The following FAM135B variants were observed in gnomAD, a reference collection of about 807,000 sequenced individuals.
FAM135B encodes protein FAM135B.
In FAM135B, 43 loss-of-function variants were observed where a neutral mutation model predicts 127.7. The ratio of observed to expected loss-of-function variants is 0.34; its 90% CI spans 0.26 to 0.43. The LOEUF is 0.43. FAM135B is among the 20% of genes least tolerant of loss of function. The pLI, the probability that FAM135B is intolerant of heterozygous loss-of-function variation, is 1.00. For synonymous variants in FAM135B, 670 were observed against 665.1 expected, an observed-to-expected ratio of 1.01 and a Z score of -0.11; for missense variants, 1,558 against 1,725.6, an observed-to-expected ratio of 0.90 and a Z score of 1.72.
At chr8:138,434,298 T>C (rs756253802) in intron 1 of FAM135B, among the ~76,000 whole-genome samples, 1 of 152,250 alleles carries the variant, frequency 6.6e-6, no homozygotes, top group Non-Finnish European at 1.5e-5. Context: ...TATTCAATTC[T>C]GAGCTTTCAT....
chr8:138,400,560 T>C (rs1833100715), intron 1 of FAM135B, among the ~76,000 whole-genome samples: 1 of 152,160 alleles, frequency 6.6e-6, no homozygotes, highest in Non-Finnish European at 1.5e-5. Context: ...CAGTGAAAAG[T>C]AGGTCAGACT....
At chr8:138,262,919 A>T (rs1382205358) in intron 4 of FAM135B, among the ~76,000 whole-genome samples, 1 of 150,500 alleles carries the variant, frequency 6.6e-6, no homozygotes, top group Non-Finnish European at 1.5e-5. Flanking sequence ...AAAAAAAAAA[A>T]AAGCAACTAA....
rs1462289951 is a variant in FAM135B, at chr8:138,139,086, G to A, written c.3801C>T (p.Leu1267=). The A allele has an allele frequency of 5.6e-6, 9 of 1,607,798 alleles. No individual in the cohort carries two copies. The highest frequency in any genetic ancestry group is 1.7e-5 in the Admixed American group (1 of 59,984). ...ACCCGGATTTCTTCAGTTTCTGCAT[G>A]AGCCATAAGCCTAGGAAGACAAAAA... ...NSTLVSTGLW[L]MQKLKKSGSL... The change falls in exon 18 of 20, where the codon CTC becomes CTT. Residue 1267 remains leucine (L), a synonymous_variant. Transcript: ENST00000395297.
chr8:138,334,214 T>C (rs1346460079), intron 2 of FAM135B, among the ~76,000 whole-genome samples: 1 of 152,102 alleles, frequency 6.6e-6, no homozygotes, highest in Non-Finnish European at 1.5e-5. Flanking sequence ...TGAGACACCA[T>C]GTCCGGCCCC....
chr8:138,485,726 G>T (rs1814958757), intron 1 of FAM135B, among the ~76,000 whole-genome samples: 1 of 152,126 alleles, frequency 6.6e-6, no homozygotes, highest in Non-Finnish European at 1.5e-5. Context: ...ATGTGGGTAA[G>T]GAGGGGAGTT....
intron 6 of FAM135B, among the ~76,000 whole-genome samples, chr8:138,244,013 G>A (rs983742627): frequency 6.6e-6 from 1 of 152,152 alleles, no homozygotes; most frequent in African/African-American, 2.4e-5. Context: ...GGGTGCTCAA[G>A]AAACATTTGT....
chr8:138,444,921 A>C (rs904361861), intron 1 of FAM135B, among the ~76,000 whole-genome samples: 1 of 152,226 alleles, frequency 6.6e-6, no homozygotes, highest in African/African-American at 2.4e-5. Context: ...CTAATAAAGA[A>C]GAAAAGAGAG....
intron 2 of FAM135B, among the ~76,000 whole-genome samples, chr8:138,349,734 T>G (rs1274425808): frequency 6.6e-6 from 1 of 152,094 alleles, no homozygotes; most frequent in East Asian, 1.9e-4. Flanking sequence ...ATAGAGGTAG[T>G]TTTGTGGCTC....
chr8:138,243,275 T>C lies in FAM135B; in HGVS notation c.543-207A>G, dbSNP rs147444974. On this transcript the variant is annotated intron_variant, in intron 6 of 19. Transcript: ENST00000395297. This position sits in a 1 kb window ranked among gnomAD's most constrained non-coding sequence, Gnocchi z 7.5. ...ACTGGCACGTAAGCTTGAAAGTCAA[T>C]GATGATACACATCCTACAATGTGTG... Among the ~76,000 whole-genome samples, 47 of 152,308 alleles carry C rather than the reference T, an allele frequency of 3.1e-4. 1 individual carries two copies. The East Asian group carries it at 4.1e-3, about 13-fold the overall frequency.
At chr8:138,449,494 C>G (rs981212715) in intron 1 of FAM135B, among the ~76,000 whole-genome samples, 15 of 151,986 alleles carry the variant, frequency 9.9e-5, no homozygotes, top group African/African-American at 3.6e-4. Context: ...AAACAGGAGC[C>G]GTAACCAATA....
intron 3 of FAM135B, among the ~76,000 whole-genome samples, chr8:138,300,060 C>A (rs12682261): frequency 1.3e-5 from 2 of 151,958 alleles, no homozygotes; most frequent in East Asian, 3.9e-4. Context: ...CTCCACATCC[C>A]GGGTTCAAGT....
At chr8:138,423,870 G>A (rs905217399) in intron 1 of FAM135B, among the ~76,000 whole-genome samples, 2 of 152,160 alleles carry the variant, frequency 1.3e-5, no homozygotes, top group Admixed American at 6.5e-5. Flanking sequence ...GGCCATTTTA[G>A]AGGCCTACCC....
intron 9 of FAM135B, among the ~76,000 whole-genome samples, chr8:138,189,003 A>G (rs1236030940): frequency 6.6e-6 from 1 of 152,308 alleles, no homozygotes; most frequent in East Asian, 1.9e-4. Context: ...AAGTAAGAAC[A>G]TGCATTTCTG....
intron 7 of FAM135B, among the ~76,000 whole-genome samples, chr8:138,240,343 A>T (rs1820654282): frequency 6.6e-6 from 1 of 152,058 alleles, no homozygotes; most frequent in Non-Finnish European, 1.5e-5. Flanking sequence ...ATGGTCTATC[A>T]TGTGTGCCAT....
intron 1 of FAM135B, among the ~76,000 whole-genome samples, chr8:138,448,860 T>A (rs1215192497): frequency 1.3e-5 from 2 of 151,000 alleles, no homozygotes; most frequent in African/African-American, 4.9e-5. Flanking sequence ...TCCATGGAGA[T>A]TACTAAGAAG....
At chr8:138,388,062 C>T (rs1406127920) in intron 1 of FAM135B, among the ~76,000 whole-genome samples, 1 of 152,068 alleles carries the variant, frequency 6.6e-6, no homozygotes, top group Non-Finnish European at 1.5e-5. Context: ...CAATGAGATA[C>T]CCCGATTAAA....
chr8:138,204,299 C>G (rs1299589796), intron 7 of FAM135B, among the ~76,000 whole-genome samples: 3 of 152,204 alleles, frequency 2.0e-5, no homozygotes, highest in African/African-American at 7.2e-5. Flanking sequence ...GGTCAAATGT[C>G]ACCTCCTCTG....
At chr8:138,149,069 T>G (rs971371307) in intron 13 of FAM135B, among the ~76,000 whole-genome samples, 3 of 151,766 alleles carry the variant, frequency 2.0e-5, no homozygotes, top group African/African-American at 4.8e-5. Context: ...ACATGGCACA[T>G]GTATACATAT....
chr8:138,233,406 C>T lies in FAM135B; in HGVS notation c.669+9536G>A, dbSNP rs771499205. On this transcript the variant is annotated intron_variant, in intron 7 of 19. Coordinates refer to ENST00000395297, the MANE Select transcript of FAM135B (RefSeq NM_015912.4). ...GATCTTGGATAAGGTGTTAAGAGCA[C>T]ACAATGGGAAAATGGCTGCCTCCGC... is the stretch of plus-strand genomic sequence containing the variant. Among the ~76,000 whole-genome samples, 4 of 152,110 alleles carry T rather than the reference C, an allele frequency of 2.6e-5. No individual in the cohort carries two copies. In the East Asian group the frequency reaches 7.7e-4, roughly 29 times the overall value.
Sources: gnomAD v4.1 joint callset for allele counts (sites outside exome capture counted in the v4.1 genomes callset) on GRCh38, gnomAD v4.1.1 for gene constraint, Gnocchi (gnomAD v3.1) non-coding constraint, MANE v1.5 for transcripts, NCBI Gene and HGNC (gene_info 2026-07-23, HGNC 2026-07-21) for gene names.